Variants in COL28A1 observed in about 807,000 individuals in gnomAD.
COL28A1 encodes the protein collagen type XXVIII alpha 1 chain.
In COL28A1, 161 loss-of-function variants were observed where a neutral mutation model predicts 150.2. The observed-to-expected ratio is 1.07, with a 90% CI of 0.94 to 1.22. The LOEUF (loss-of-function observed/expected upper bound fraction) is 1.22. COL28A1 is among the 50% of genes most tolerant of loss of function. The pLI is 0.00. For missense variants in COL28A1, 1,617 were observed against 1,388.3 expected (o/e 1.16, Z -2.62); for synonymous variants, 552 against 469.7 (o/e 1.18, Z -2.26).
chr7:7,361,604 G>T (rs2005855), intron 33 of COL28A1, among the ~76,000 whole-genome samples: 118,753 of 152,150 alleles, frequency 0.78, 46,520 homozygotes, highest in East Asian at 0.88. Context: ...GATGATAAGC[G>T]TTTTTTCATG....
In COL28A1 at chr7:7,380,641, C is replaced by T; in HGVS notation, c.2322+19G>A. Reference sequence around the variant, plus strand: ...TGCAAGCACAAAACCCTCAATTACCCTCTAGAATGGATACTCACTGTAAGT... The same window carrying T: ...TGCAAGCACAAAACCCTCAATTACCTTCTAGAATGGATACTCACTGTAAGT... On this transcript the variant is annotated intron_variant, in intron 30 of 34. Coordinates refer to ENST00000399429, the MANE Select transcript of COL28A1 (RefSeq NM_001037763.3). The T allele has an allele frequency of 1.9e-6, 3 of 1,610,470 alleles. No individual in the cohort carries two copies. The highest frequency in any genetic ancestry group is 2.5e-6 in the Non-Finnish European group (3 of 1,177,010).
chr7:7,490,637 C>T lies in COL28A1; in HGVS notation c.1036G>A (p.Gly346Ser). 7.8e-7 allele frequency: 1 copy of T among 1,274,212 alleles called. No individual in the cohort carries two copies. The highest frequency in any genetic ancestry group is 1.1e-6 in the Non-Finnish European group (1 of 870,792). 78.9% of individuals were successfully genotyped at this position (1,274,212 alleles called of 1,614,324 possible). The part of the protein sequence containing the change: ...KGFQGNKGEP[G>S]PPGPYGSPGA... Reference sequence around the variant, plus strand: ...GGAGAACCATAAGGACCAGGAGGACCTGGCTCACCCTGGAGGAAGAAATAG... The same window carrying T: ...GGAGAACCATAAGGACCAGGAGGACTTGGCTCACCCTGGAGGAAGAAATAG... The change falls in exon 12 of 35, where the codon GGT (glycine) becomes AGT (serine). Residue 346 changes from glycine to serine, a missense_variant. Transcript: ENST00000399429.
chr7:7,424,326 T>C (rs530972746), intron 25 of COL28A1, among the ~76,000 whole-genome samples: 11 of 152,296 alleles, frequency 7.2e-5, no homozygotes, highest in African/African-American at 2.6e-4. Flanking sequence ...CCATGGGCCG[T>C]GTGTCCATGT....
At chr7:7,465,007 G>T (rs1043797455) in intron 15 of COL28A1, among the ~76,000 whole-genome samples, 3 of 152,078 alleles carry the variant, frequency 2.0e-5, no homozygotes, top group African/African-American at 7.2e-5. Flanking sequence ...AAATCCAAAA[G>T]ATCATTCAAG....
intron 27 of COL28A1, among the ~76,000 whole-genome samples, chr7:7,415,523 G>T (rs1784024912): frequency 6.6e-6 from 1 of 152,102 alleles, no homozygotes; most frequent in Non-Finnish European, 1.5e-5. Flanking sequence ...TGTCTAAAGA[G>T]GTTTTTCTGG....
In COL28A1 at chr7:7,440,388, G is replaced by A. The variant is rs1041645328; in HGVS notation, c.1722+402C>T. Among the ~76,000 whole-genome samples, 4 of 152,182 alleles carry A rather than the reference G, an allele frequency of 2.6e-5. No individual in the cohort carries two copies. The East Asian group carries it at 7.7e-4, about 29-fold the overall frequency. ...CTCCAAGAGGTTCATGGCACAGGAG[G>A]ATGCAATCAGCCTTCCAAAGAAGAG... On this transcript the variant is annotated intron_variant, in intron 21 of 34. Coordinates refer to ENST00000399429, the MANE Select transcript of COL28A1 (RefSeq NM_001037763.3).
In COL28A1 at chr7:7,380,845, C is replaced by T. The variant is rs773116031; in HGVS notation, c.2223G>A (p.Arg741=). The T allele has an allele frequency of 4.3e-6, 7 of 1,613,582 alleles. No homozygotes were observed. The Admixed American group carries it at 1.2e-4, about 27-fold the overall frequency. The change falls in exon 29 of 35, where the codon CGG becomes CGA. Residue 741 remains arginine, a synonymous_variant. Transcript: ENST00000399429. ...LPGQKGEHGE[R]GDVGKKGDKG... ...TATCACCTTTCTTTCCCACATCGCCCCGTTCTCCGTGCTCTCCCTTTACAC... is the reference window on the plus strand; with the variant it reads ...TATCACCTTTCTTTCCCACATCGCCTCGTTCTCCGTGCTCTCCCTTTACAC...
chr7:7,466,367 T>C (rs946168385), intron 15 of COL28A1, among the ~76,000 whole-genome samples: 2 of 144,828 alleles, frequency 1.4e-5, no homozygotes, highest in African/African-American at 5.2e-5. Context: ...CAATGGAAGA[T>C]GAAATGAATG....
intron 11 of COL28A1, among the ~76,000 whole-genome samples, chr7:7,501,044 T>C (rs1780494469): frequency 6.6e-6 from 1 of 152,218 alleles, no homozygotes; most frequent in Non-Finnish European, 1.5e-5. Flanking sequence ...TATCCATTTA[T>C]TAAACTGGGC....
At chr7:7,448,985 AG>A (rs1266941166) in intron 18 of COL28A1, among the ~76,000 whole-genome samples, 1 of 152,118 alleles carries the variant, frequency 6.6e-6, no homozygotes, top group Non-Finnish European at 1.5e-5. Context: ...GAAGTTACAG[AG>A]GGATAGAAGG....
intron 25 of COL28A1, among the ~76,000 whole-genome samples, chr7:7,422,223 C>G (rs1256541749): frequency 1.3e-5 from 2 of 152,144 alleles, no homozygotes; most frequent in Non-Finnish European, 2.9e-5. Flanking sequence ...AAAGTTTCAT[C>G]AAAAATAATA....
intron 23 of COL28A1, among the ~76,000 whole-genome samples, chr7:7,434,645 T>A (rs1785213892): frequency 6.6e-6 from 1 of 152,328 alleles, no homozygotes; most frequent in African/African-American, 2.4e-5. Flanking sequence ...TTTACAAACA[T>A]CCTTTTTATA....
downstream of COL28A1, among the ~76,000 whole-genome samples, chr7:7,352,728 T>C (rs994045160): frequency 6.6e-6 from 1 of 152,174 alleles, no homozygotes; most frequent in Admixed American, 6.5e-5. Flanking sequence ...TCATCAGACT[T>C]CTGACCTACA....
intron 23 of COL28A1, among the ~76,000 whole-genome samples, chr7:7,433,451 C>A (rs980953667): frequency 6.6e-6 from 1 of 151,862 alleles, no homozygotes; most frequent in South Asian, 2.1e-4. Flanking sequence ...CTGGCCAACA[C>A]GGTGAAACCC....
the COL28A1 span, among the ~76,000 whole-genome samples, chr7:7,349,941 C>A: frequency 6.6e-6 from 1 of 151,952 alleles, no homozygotes; most frequent in Non-Finnish European, 1.5e-5. Context: ...TTCAGTGTAG[C>A]TGAATTGAAG....
intron 15 of COL28A1, among the ~76,000 whole-genome samples, chr7:7,466,038 C>A (rs1336604676): frequency 1.6e-5 from 2 of 127,946 alleles, no homozygotes; most frequent in East Asian, 2.4e-4. Context: ...AACTCTAAAA[C>A]GCAGAGCGCC....
At chr7:7,355,833 G>T (rs1050305334), downstream of COL28A1, among the ~76,000 whole-genome samples, 1 of 151,986 alleles carries the variant, frequency 6.6e-6, no homozygotes, top group Admixed American at 6.6e-5. Flanking sequence ...CCTACTTTTG[G>T]GGAATATACC....
At chr7:7,451,731 ACT>A (rs1203373212) in intron 18 of COL28A1, among the ~76,000 whole-genome samples, 1 of 152,174 alleles carries the variant, frequency 6.6e-6, no homozygotes, top group African/African-American at 2.4e-5. Context: ...CAAACTTGGC[ACT>A]TAGTATACTG....
intron 1 of COL28A1, among the ~76,000 whole-genome samples, chr7:7,533,907 C>A (rs1426332372): frequency 6.6e-6 from 1 of 152,150 alleles, no homozygotes; most frequent in Non-Finnish European, 1.5e-5. Flanking sequence ...ACTTTATTGA[C>A]TTCAGGAGTT....
Sources: gnomAD v4.1 joint callset for allele counts (sites outside exome capture counted in the v4.1 genomes callset) on GRCh38, gnomAD v4.1.1 for gene constraint, MANE v1.5 for transcripts, NCBI Gene and HGNC (gene_info 2026-07-23, HGNC 2026-07-21) for gene names.